The following C9orf85 variants were observed in gnomAD, a reference collection of about 807,000 sequenced individuals.
The protein encoded by C9orf85 is uncharacterized protein C9orf85.
In C9orf85, 16 loss-of-function variants were observed where a neutral mutation model predicts 14.9. The observed-to-expected ratio is 1.08, with a 90% CI of 0.73 to 1.63. The LOEUF (loss-of-function observed/expected upper bound fraction) is 1.63, where lower values mean the gene tolerates loss of function less well. Among genes scored for constraint, C9orf85 ranks in the 40% most tolerant of loss-of-function variants. The pLI is 0.00. For missense variants in C9orf85, 172 were observed against 186.1 expected (o/e 0.92, Z 0.44); for synonymous variants, 45 against 56.8 (o/e 0.79, Z 0.93).
At chr9:71,977,691 C>A (rs183760933), downstream of C9orf85, among the ~76,000 whole-genome samples, 1 of 152,184 alleles carries the variant, frequency 6.6e-6, no homozygotes, top group Non-Finnish European at 1.5e-5. Context: ...TAGGTCTTTT[C>A]CTTTCCTTGT....
At chr9:71,970,657 C>T (rs1232533386) in intron 2 of C9orf85, among the ~76,000 whole-genome samples, 1 of 151,924 alleles carries the variant, frequency 6.6e-6, no homozygotes, top group East Asian at 1.9e-4. Context: ...TTTATTGTTC[C>T]TTTTCAAGAT....
chr9:71,964,941 C>A (rs572769318), intron 2 of C9orf85, among the ~76,000 whole-genome samples: 2 of 152,180 alleles, frequency 1.3e-5, no homozygotes, highest in African/African-American at 4.8e-5. Context: ...GCCTTTAGTC[C>A]AGTCAGGAGC....
At chr9:71,970,858 C>A (rs557372210) in intron 2 of C9orf85, among the ~76,000 whole-genome samples, 1 of 149,926 alleles carries the variant, frequency 6.7e-6, no homozygotes, top group East Asian at 2.0e-4. Context: ...AGATGGAGTC[C>A]CACTCTTGCC....
At chr9:71,913,857 T>C (rs989178542) in intron 1 of C9orf85, among the ~76,000 whole-genome samples, 119 of 151,008 alleles carry the variant, frequency 7.9e-4, no homozygotes, top group African/African-American at 2.7e-3. Flanking sequence ...GTTCAGTCAC[T>C]AAGTTGCATT....
At chr9:71,918,222 T>C (rs1289147806) in intron 1 of C9orf85, among the ~76,000 whole-genome samples, 1 of 152,136 alleles carries the variant, frequency 6.6e-6, no homozygotes, top group Non-Finnish European at 1.5e-5. Flanking sequence ...CCTAGATGTT[T>C]TAAAGTTCTG....
At chr9:71,950,170 A>C (rs1822208359) in intron 2 of C9orf85, among the ~76,000 whole-genome samples, 1 of 152,190 alleles carries the variant, frequency 6.6e-6, no homozygotes, top group Non-Finnish European at 1.5e-5. Flanking sequence ...TGTTATAGAA[A>C]GTAAAACTCA....
intron 1 of C9orf85, among the ~76,000 whole-genome samples, chr9:71,934,956 G>A (rs567121332): frequency 3.3e-5 from 5 of 152,218 alleles, no homozygotes; most frequent in African/African-American, 1.2e-4. Flanking sequence ...AATGGGCAGA[G>A]GACCTAAGTA....
At chr9:71,984,799 C>T (rs7045421), downstream of C9orf85, 92,324 of 152,114 alleles carry the variant, frequency 0.61, 28,213 homozygotes, top group East Asian at 0.72. Flanking sequence ...TGGGAAAATA[C>T]ACCAACACAG....
chr9:71,931,738 A>G (rs1185539180), intron 1 of C9orf85, among the ~76,000 whole-genome samples: 1 of 152,246 alleles, frequency 6.6e-6, no homozygotes, highest in African/African-American at 2.4e-5. Flanking sequence ...ATTGATTTTT[A>G]AGCAGAAGGT....
rs145567791 is a variant in C9orf85, at chr9:71,968,498, TTTC to T, written c.210-3000_210-2998del. Among the ~76,000 whole-genome samples the T allele has an allele frequency of 1.7e-3, 257 of 152,280 alleles. 1 individual carries two copies. The highest frequency in any genetic ancestry group is 6.1e-3 in the African/African-American group (253 of 41,558). ...TTTAATGGATAGAGGAGTATATTTA[TTTC>T]TTCTTCAGTGAGTTTTGATATTCTT... On this transcript the variant is annotated intron_variant, in intron 2 of 3. Coordinates refer to ENST00000334731, the MANE Select transcript of C9orf85 (RefSeq NM_182505.5).
chr9:71,952,807 T>C (rs1822283521), intron 2 of C9orf85, among the ~76,000 whole-genome samples: 1 of 151,872 alleles, frequency 6.6e-6, no homozygotes, highest in Admixed American at 6.6e-5. Flanking sequence ...CCTATTAATT[T>C]AGAAATGTGG....
Position 71,939,979 on chromosome 9 carries a change from C to G in C9orf85, c.103-7027C>G, listed in dbSNP as rs370259160. Among the ~76,000 whole-genome samples, 117 of 151,988 alleles carry G rather than the reference C, an allele frequency of 7.7e-4. 1 individual carries two copies. The highest frequency in any genetic ancestry group is 2.7e-3 in the African/African-American group (113 of 41,462). Reference sequence around the variant, plus strand: ...GTAAAATGTAAAATTACTGAACTTGCAGAAGAAAACAGATTAAGATCTTTT... The same window carrying G: ...GTAAAATGTAAAATTACTGAACTTGGAGAAGAAAACAGATTAAGATCTTTT... On this transcript the variant is annotated intron_variant, in intron 1 of 3. Transcript: ENST00000334731.
chr9:71,984,152 T>C (rs925423810), downstream of C9orf85: 2 of 152,268 alleles, frequency 1.3e-5, no homozygotes, highest in Non-Finnish European at 2.9e-5. Flanking sequence ...CTCTTTGTTT[T>C]GTTCTGTTTG....
intron 1 of C9orf85, among the ~76,000 whole-genome samples, chr9:71,920,040 G>A (rs112570437): frequency 0.017 from 2,607 of 151,908 alleles, 77 homozygotes; most frequent in African/African-American, 0.059. Context: ...TAGTAGAGAC[G>A]GGGTTTCACC....
At chr9:71,935,042 A>G (rs887672349) in intron 1 of C9orf85, among the ~76,000 whole-genome samples, 2 of 152,206 alleles carry the variant, frequency 1.3e-5, no homozygotes, top group African/African-American at 4.8e-5. Flanking sequence ...GGGGAACTAC[A>G]GATGAAAACT....
intron 2 of C9orf85, among the ~76,000 whole-genome samples, chr9:71,951,816 A>G (rs1308756959): frequency 6.6e-6 from 1 of 152,136 alleles, no homozygotes; most frequent in Non-Finnish European, 1.5e-5. Context: ...AATAATCTCG[A>G]TATGGAGCTG....
At chr9:71,951,690 G>A (rs1393224101) in intron 2 of C9orf85, among the ~76,000 whole-genome samples, 1 of 152,046 alleles carries the variant, frequency 6.6e-6, no homozygotes, top group Admixed American at 6.6e-5. Flanking sequence ...AAATCTTTTT[G>A]TATAAAGTTT....
chr9:71,955,175 C>A (rs564815423), intron 2 of C9orf85, among the ~76,000 whole-genome samples: 2 of 152,162 alleles, frequency 1.3e-5, no homozygotes, highest in East Asian at 3.9e-4. Context: ...GCACTCAGTC[C>A]TTGGCATTGT....
chr9:71,952,095 T>C (rs1822257814), intron 2 of C9orf85, among the ~76,000 whole-genome samples: 1 of 152,146 alleles, frequency 6.6e-6, no homozygotes, highest in African/African-American at 2.4e-5. Context: ...CTCAGAAGGA[T>C]TATACTTCTT....
Sources: gnomAD v4.1 joint callset for allele counts (sites outside exome capture counted in the v4.1 genomes callset) on GRCh38, gnomAD v4.1.1 for gene constraint, MANE v1.5 for transcripts, NCBI Gene and HGNC (gene_info 2026-07-23, HGNC 2026-07-21) for gene names.